Variants in CTPS2 observed in about 807,000 individuals in gnomAD.
CTPS2 encodes CTP synthase II.
A neutral mutation model predicts 46.8 loss-of-function variants in CTPS2; 19 were observed. The observed-to-expected ratio is 0.41, with a 90% confidence interval of 0.28 to 0.60. The LOEUF (loss-of-function observed/expected upper bound fraction) is 0.60. Among genes scored for constraint, CTPS2 ranks in the 20% least tolerant of loss-of-function variants. CTPS2 has a pLI of 0.35. For synonymous variants in CTPS2, 151 were observed against 165.2 expected (o/e 0.91, Z 0.66); for missense variants, 286 against 447.6 (o/e 0.64, Z 3.26).
At chrX:16,705,197 C>T (rs1452361124) in intron 1 of CTPS2, among the ~76,000 whole-genome samples, 1 of 110,588 alleles carries the variant, frequency 9.0e-6, no homozygotes, top group Non-Finnish European at 1.9e-5. Flanking sequence ...GCCTGGGCAA[C>T]AGAGCGAGAC....
At chrX:16,617,451 C>T (rs1930594117) in intron 15 of CTPS2, among the ~76,000 whole-genome samples, 1 of 111,574 alleles carries the variant, frequency 9.0e-6, no homozygotes, top group Non-Finnish European at 1.9e-5. Context: ...TAGGAGGTGC[C>T]TTCTATTACC....
chrX:16,686,320 G>A (rs1291175916), intron 8 of CTPS2, among the ~76,000 whole-genome samples: 2 of 111,744 alleles, frequency 1.8e-5, no homozygotes, highest in African/African-American at 3.3e-5. Context: ...TTATATGCCT[G>A]TACCAAATAT....
intron 14 of CTPS2, among the ~76,000 whole-genome samples, chrX:16,631,932 TC>T (rs1340527351): frequency 8.9e-6 from 1 of 111,765 alleles, no homozygotes; most frequent in African/African-American, 3.3e-5. Flanking sequence ...TCCTCAGTGT[TC>T]CCCTGGCTCC....
intron 14 of CTPS2, among the ~76,000 whole-genome samples, chrX:16,624,174 G>C (rs1179158267): frequency 9.0e-6 from 1 of 111,049 alleles, no homozygotes; most frequent in Non-Finnish European, 1.9e-5. Flanking sequence ...ACATACAACA[G>C]ATACGATATA....
At chrX:16,627,449 A>G (rs759025322) in intron 14 of CTPS2, among the ~76,000 whole-genome samples, 32 of 112,273 alleles carry the variant, frequency 2.9e-4, no homozygotes, top group African/African-American at 9.7e-4. Context: ...AAAACTCCAG[A>G]TTTCCAGATT....
chrX:16,682,154 T>C (rs749290681), intron 9 of CTPS2, among the ~76,000 whole-genome samples: 1 of 112,454 alleles, frequency 8.9e-6, no homozygotes, highest in African/African-American at 3.2e-5. Flanking sequence ...GTGCAAAGCC[T>C]ACTTTCAGAA....
At chrX:16,598,267 G>C (rs1252460195) in intron 17 of CTPS2, among the ~76,000 whole-genome samples, 3 of 111,184 alleles carry the variant, frequency 2.7e-5, no homozygotes, top group African/African-American at 9.8e-5. Flanking sequence ...ATGAATCCAG[G>C]AGCTGGTTTT....
At chrX:16,649,950 C>A (rs904233400) in intron 13 of CTPS2, among the ~76,000 whole-genome samples, 1 of 111,598 alleles carries the variant, frequency 9.0e-6, no homozygotes, top group Non-Finnish European at 1.9e-5. Context: ...GGAAAAAAAT[C>A]CAAGCTTACG....
intron 1 of CTPS2, among the ~76,000 whole-genome samples, chrX:16,708,102 A>G (rs1401838304): frequency 8.9e-6 from 1 of 112,267 alleles, no homozygotes; most frequent in Non-Finnish European, 1.9e-5. Context: ...ATTCAGCACA[A>G]ATGCATTCGG....
At chrX:16,634,842 G>A (rs996218941) in intron 14 of CTPS2, among the ~76,000 whole-genome samples, 23 of 109,842 alleles carry the variant, frequency 2.1e-4, no homozygotes, top group African/African-American at 7.6e-4. Context: ...TCGGCTACTC[G>A]AGAGGCTGAG....
At chrX:16,667,275 C>T (rs747457904) in intron 13 of CTPS2, among the ~76,000 whole-genome samples, 13 of 109,319 alleles carry the variant, frequency 1.2e-4, no homozygotes, top group East Asian at 5.8e-4. Context: ...TGATATTACA[C>T]GCATCTGCCA....
intron 13 of CTPS2, among the ~76,000 whole-genome samples, chrX:16,662,964 A>C (rs192916031): frequency 9.0e-6 from 1 of 111,589 alleles, no homozygotes; most frequent in East Asian, 2.8e-4. Context: ...ACTAATTTGC[A>C]GCATAAATTA....
chrX:16,693,379 C>T lies in CTPS2; in HGVS notation c.547G>A (p.Val183Ile), dbSNP rs745973464. 8.4e-7 allele frequency: 1 copy of T among 1,195,847 alleles called. No individual in the cohort carries two copies. ...TTATCTGGAAAGCCCACCTGTGGGACAAGGCTAACGTGGATATTACAGAAA... is the reference window on the plus strand; with the variant it reads ...TTATCTGGAAAGCCCACCTGTGGGATAAGGCTAACGTGGATATTACAGAAA... ...ENFCNIHVSL[V>I]PQLSATGEQK... The change falls in exon 5 of 19, where the codon GTC becomes ATC. Residue 183 changes from valine to isoleucine, a missense_variant. By Grantham distance (29) the Val-to-Ile change is conservative (BLOSUM62 3). Transcript: ENST00000359276.
intron 8 of CTPS2, among the ~76,000 whole-genome samples, chrX:16,687,101 T>G (rs1360110578): frequency 9.1e-6 from 1 of 110,324 alleles, no homozygotes; most frequent in Non-Finnish European, 1.9e-5. Flanking sequence ...CCTCCAGGAC[T>G]GTGAGAGAAT....
intron 10 of CTPS2, among the ~76,000 whole-genome samples, chrX:16,672,223 A>G (rs1054894021): frequency 1.1e-4 from 12 of 111,392 alleles, no homozygotes; most frequent in African/African-American, 3.9e-4. Flanking sequence ...AGAACTAGGC[A>G]TGCACAGGAC....
At position 16,654,481 on chromosome X, in the gene CTPS2, A is replaced by T. The variant is rs1602207047; in HGVS notation, c.1296+13033T>A. ...GGAGAAGTTAGTTTTGAAGAATTCC[A>T]AGTATTAGTAAAAAAGATATCCCAG... On this transcript the variant is annotated intron_variant, in intron 13 of 18. Coordinates refer to ENST00000359276, the MANE Select transcript of CTPS2 (RefSeq NM_175859.3). The T allele has an allele frequency of 2.5e-6, 3 of 1,187,142 alleles. No homozygotes were observed. In the East Asian group the frequency reaches 8.9e-5, roughly 35 times the overall value.
intron 1 of CTPS2, among the ~76,000 whole-genome samples, chrX:16,703,317 G>A (rs762769798): frequency 1.9e-5 from 2 of 106,907 alleles, no homozygotes; most frequent in African/African-American, 3.4e-5. Context: ...ATGAGCCACC[G>A]CACCTAGCTC....
At chrX:16,698,690 A>G (rs902568013) in intron 3 of CTPS2, among the ~76,000 whole-genome samples, 12 of 110,791 alleles carry the variant, frequency 1.1e-4, no homozygotes, top group Non-Finnish European at 2.1e-4. Flanking sequence ...AGCTGGGATT[A>G]CAGGCATGCG....
intron 16 of CTPS2, among the ~76,000 whole-genome samples, chrX:16,610,032 GTCTT>G (rs1276651762): frequency 2.7e-5 from 3 of 111,631 alleles, no homozygotes; most frequent in Non-Finnish European, 3.8e-5. Flanking sequence ...CTAACCCTGG[GTCTT>G]TCTTTCTTTA....
Sources: gnomAD v4.1 joint callset for allele counts (sites outside exome capture counted in the v4.1 genomes callset) on GRCh38, gnomAD v4.1.1 for gene constraint, MANE v1.5 for transcripts, NCBI Gene and HGNC (gene_info 2026-07-23, HGNC 2026-07-21) for gene names.